PLB1: variants seen among roughly 807,000 people sequenced by gnomAD.
The protein encoded by PLB1 is phospholipase B1, membrane-associated.
PLB1 carries 242 observed loss-of-function variants against 227.4 expected under a neutral mutation model. That is an observed-to-expected ratio of 1.06 (90% CI 0.96 to 1.18). The LOEUF is 1.18. Among genes scored for constraint, PLB1 ranks in the 50% most tolerant of loss-of-function variants. The pLI is 0.00. For missense variants in PLB1, 1,858 were observed against 1,816.3 expected, an observed-to-expected ratio of 1.02 and a Z score of -0.42; for synonymous variants, 757 against 682.2, an observed-to-expected ratio of 1.11 and a Z score of -1.71.
At chr2:28,598,137 A>G in intron 34 of PLB1, 89 bp downstream of exon 34, 2 of 1,109,550 alleles carry the variant, frequency 1.8e-6, no homozygotes, top group Non-Finnish European at 2.6e-6. Context: ...GTAAGCAGCA[A>G]ATGACATCTG....
chr2:28,531,191 T>A (rs1670960570), intron 8 of PLB1, among the ~76,000 whole-genome samples: 1 of 152,236 alleles, frequency 6.6e-6, no homozygotes, highest in Non-Finnish European at 1.5e-5. Flanking sequence ...CCAAAGATAA[T>A]TATGGTTAAT....
At chr2:28,580,022 G>T (rs1679655493) in intron 23 of PLB1, among the ~76,000 whole-genome samples, 1 of 152,236 alleles carries the variant, frequency 6.6e-6, no homozygotes, top group Admixed American at 6.5e-5. Flanking sequence ...GAGAGTCACA[G>T]GTTAGCTCCC....
At chr2:28,635,273 C>G (rs1262433374) in intron 56 of PLB1, among the ~76,000 whole-genome samples, 1 of 152,180 alleles carries the variant, frequency 6.6e-6, no homozygotes, top group African/African-American at 2.4e-5. Flanking sequence ...ATGATGCCAA[C>G]TTTTCAGATC....
intron 16 of PLB1, 59 bp from the exon 17 acceptor site, chr2:28,552,869 C>A: frequency 1.4e-6 from 2 of 1,436,450 alleles, no homozygotes; most frequent in East Asian, 2.3e-5. Context: ...CCCCACTTCT[C>A]ACCCATTTCC....
chr2:28,585,753 G>A lies in PLB1; in HGVS notation c.1734-8G>A, dbSNP rs1680800570. ...GGGATGAGGGTTTCTCTTTGGTTTG[G>A]TCTACAGGTCTCTGTGTCCCTGTGT... On this transcript the variant is annotated splice_region_variant and splice_polypyrimidine_tract_variant and intron_variant, in intron 25 of 57. Coordinates refer to ENST00000327757, the MANE Select transcript of PLB1 (RefSeq NM_153021.5). 1 of 1,595,440 alleles carries A rather than the reference G, an allele frequency of 6.3e-7. No individual in the cohort carries two copies. Among genetic ancestry groups the A allele is most frequent in the Non-Finnish European group, 8.6e-7 (1 of 1,163,086 alleles).
At chr2:28,525,338 A>G in intron 5 of PLB1, 31 bp downstream of exon 5, 1 of 1,605,290 alleles carries the variant, frequency 6.2e-7, no homozygotes. Context: ...GAAAACAGAA[A>G]GGAGCCCGGA....
At chr2:28,558,543 G>A (rs1294932519) in intron 17 of PLB1, among the ~76,000 whole-genome samples, 4 of 152,182 alleles carry the variant, frequency 2.6e-5, no homozygotes, top group African/African-American at 9.7e-5. Context: ...TGATGGACAC[G>A]CGCTAATGTG....
chr2:28,565,482 C>A (rs962467128), intron 19 of PLB1, 129 bp downstream of exon 19: 5 of 761,902 alleles, frequency 6.6e-6, no homozygotes, highest in African/African-American at 3.5e-5. Flanking sequence ...TGACCAACTT[C>A]TAGGTTTAAT....
At chr2:28,633,164 C>T (rs962923195) in intron 56 of PLB1, 125 bp downstream of exon 56, 2 of 741,974 alleles carry the variant, frequency 2.7e-6, no homozygotes, top group East Asian at 2.6e-5. Flanking sequence ...AGTGGCAGCA[C>T]ACCTTATTGG....
intron 23 of PLB1, among the ~76,000 whole-genome samples, chr2:28,581,488 AAT>A (rs1452268800): frequency 2.2e-3 from 16 of 7,138 alleles, no homozygotes; most frequent in Non-Finnish European, 8.2e-3. Context: ...CACGCAAAAA[AAT>A]AAATAAATAA....
Position 28,516,764 on chromosome 2 carries a change from T to G in PLB1, c.56-44T>G, listed in dbSNP as rs201160805. ...TGAAAGCTACAAATTTGGGTGGGAG[T>G]TAATTCCAGCTAAATAACTTGAACT... On this transcript the variant is annotated intron_variant, in intron 1 of 57. Coordinates refer to ENST00000327757, the MANE Select transcript of PLB1 (RefSeq NM_153021.5). The G allele has an allele frequency of 1.4e-5, 22 of 1,571,962 alleles. No homozygotes were observed. In the African/African-American group the frequency reaches 2.3e-4, roughly 16 times the overall value.
At chr2:28,572,707 A>G (rs1012707105) in intron 20 of PLB1, among the ~76,000 whole-genome samples, 2 of 152,194 alleles carry the variant, frequency 1.3e-5, no homozygotes, top group Non-Finnish European at 2.9e-5. Context: ...AATAAGCAAG[A>G]CTACAGAGAC....
At chr2:28,619,519 G>GGTT (rs1553459984) in intron 46 of PLB1, among the ~76,000 whole-genome samples, 4 of 124,610 alleles carry the variant, frequency 3.2e-5, no homozygotes, top group Non-Finnish European at 5.2e-5. Flanking sequence ...AAATTTCAAG[G>GGTT]TTTTGTTTTT....
chr2:28,526,287 T>G (rs1553406552), intron 6 of PLB1, among the ~76,000 whole-genome samples: 1 of 151,922 alleles, frequency 6.6e-6, no homozygotes, highest in Non-Finnish European at 1.5e-5. Context: ...AGGGCTAGAC[T>G]TCATCCAGGG....
intron 2 of PLB1, 32 bp from the exon 3 acceptor site, chr2:28,518,434 T>C (rs745451574): frequency 6.5e-7 from 1 of 1,533,086 alleles, no homozygotes; most frequent in South Asian, 1.1e-5. Flanking sequence ...TACAAGGCAG[T>C]TGATGTTTCT....
At position 28,518,549 on chromosome 2, in the gene PLB1, C is replaced by T; in HGVS notation, c.184+17C>T. 1 of 1,597,908 alleles carries T rather than the reference C, an allele frequency of 6.3e-7. No homozygotes were observed. The highest frequency in any genetic ancestry group is 8.6e-7 in the Non-Finnish European group (1 of 1,165,404). On this transcript the variant is annotated intron_variant, in intron 3 of 57. Coordinates refer to ENST00000327757, the MANE Select transcript of PLB1 (RefSeq NM_153021.5). ...CTAAATCAGGTATGTAACCCTTGGC[C>T]ATGAGCAGGAAAAGCCTGGCGTTTT...
rs1422553863 is a variant in PLB1, at chr2:28,505,795, T to C, written c.55+9626T>C. ...ATTTGAGAACTTTTGGTGGCCTGAGTCCTTCAAATTATTGATGCAAGATCA... is the reference window on the plus strand; with the variant it reads ...ATTTGAGAACTTTTGGTGGCCTGAGCCCTTCAAATTATTGATGCAAGATCA... On this transcript the variant is annotated intron_variant, in intron 1 of 57. Transcript: ENST00000327757. Among the ~76,000 whole-genome samples, 10 of 152,252 alleles carry C rather than the reference T, an allele frequency of 6.6e-5. 1 individual carries two copies. The highest frequency in any genetic ancestry group is 4.6e-4 in the Admixed American group (7 of 15,284).
chr2:28,563,763 C>T (rs1676414671), intron 18 of PLB1, among the ~76,000 whole-genome samples: 1 of 152,112 alleles, frequency 6.6e-6, no homozygotes, highest in Admixed American at 6.5e-5. Flanking sequence ...AGCTTCCATT[C>T]AACAGCCTCT....
chr2:28,584,807 C>T lies in PLB1; in HGVS notation c.1734-954C>T, dbSNP rs574503478. On this transcript the variant is annotated intron_variant, in intron 25 of 57. Transcript: ENST00000327757. ...AGCCCAGATGTGCCAGATAGCTGGC[C>T]GGGTCAGAGCTGCAGATTGGATGGA... Among the ~76,000 whole-genome samples, 7 of 152,272 alleles carry T rather than the reference C, an allele frequency of 4.6e-5. No homozygotes were observed. The South Asian group carries it at 8.3e-4, about 18-fold the overall frequency.
Sources: gnomAD v4.1 joint callset for allele counts (sites outside exome capture counted in the v4.1 genomes callset) on GRCh38, gnomAD v4.1.1 for gene constraint, MANE v1.5 for transcripts, NCBI Gene and HGNC (gene_info 2026-07-23, HGNC 2026-07-21) for gene names.